EPHA6: variants seen among roughly 807,000 people sequenced by gnomAD.
EPHA6 encodes ephrin type-A receptor 6.
EPHA6 carries 50 observed loss-of-function variants against 112.0 expected under a neutral mutation model. That is an observed-to-expected ratio of 0.45 (90% confidence interval 0.36 to 0.56). The LOEUF (loss-of-function observed/expected upper bound fraction) is 0.56, where lower values mean the gene tolerates loss of function less well. EPHA6 is among the 20% of genes least tolerant of loss of function. EPHA6 has a pLI of 0.00. For synonymous variants in EPHA6, 529 were observed against 490.7 expected (o/e 1.08, Z -1.03); for missense variants, 1,280 against 1,417.4 (o/e 0.90, Z 1.56).
intron 1 of EPHA6, 31 bp from the exon 2 acceptor site, chr3:96,866,794 C>G: frequency 7.7e-7 from 1 of 1,291,436 alleles, no homozygotes; most frequent in Non-Finnish European, 1.0e-6. Flanking sequence ...TTGAGAAATT[C>G]ATGGAATTTT....
intron 2 of EPHA6, among the ~76,000 whole-genome samples, chr3:96,940,929 C>A (rs985325582): frequency 2.0e-5 from 3 of 152,092 alleles, no homozygotes; most frequent in Non-Finnish European, 4.4e-5. Flanking sequence ...TATTAGTCCC[C>A]ACTCTCTTCT....
At chr3:97,451,593 A>T (rs759418576) in intron 7 of EPHA6, among the ~76,000 whole-genome samples, 1 of 76,178 alleles carries the variant, frequency 1.3e-5, no homozygotes, top group Non-Finnish European at 2.3e-5. Context: ...AAGGATCATT[A>T]AAAAAAAAAA....
intron 2 of EPHA6, among the ~76,000 whole-genome samples, chr3:96,937,597 G>C (rs1012647710): frequency 6.6e-6 from 1 of 152,130 alleles, no homozygotes; most frequent in Admixed American, 6.5e-5. Flanking sequence ...CTGTGCAGAA[G>C]CTCTTTAGTT....
chr3:97,226,486 TA>T, intron 4 of EPHA6, 67 bp downstream of exon 4: 1 of 1,408,330 alleles, frequency 7.1e-7, no homozygotes, highest in African/African-American at 1.4e-5. Context: ...ATTCTAAATT[TA>T]AAAAATAAGT....
At chr3:97,722,939 C>T (rs568295474) in intron 15 of EPHA6, among the ~76,000 whole-genome samples, 6 of 152,210 alleles carry the variant, frequency 3.9e-5, no homozygotes, top group African/African-American at 1.4e-4. Context: ...TGGACTATAA[C>T]TCAACCATGA....
intron 3 of EPHA6, among the ~76,000 whole-genome samples, chr3:97,094,533 A>C (rs1416756011): frequency 6.6e-6 from 1 of 152,180 alleles, no homozygotes; most frequent in Non-Finnish European, 1.5e-5. Context: ...ACTTCAAATC[A>C]AAGTTTAGAA....
chr3:97,692,670 T>C (rs2032746992), intron 14 of EPHA6, among the ~76,000 whole-genome samples: 6 of 152,242 alleles, frequency 3.9e-5, no homozygotes, highest in African/African-American at 1.4e-4. Flanking sequence ...TAATTTATAG[T>C]GACATCTTTT....
At chr3:97,333,917 A>G (rs1236993480) in intron 5 of EPHA6, among the ~76,000 whole-genome samples, 2 of 152,124 alleles carry the variant, frequency 1.3e-5, no homozygotes, top group Non-Finnish European at 2.9e-5. Context: ...TTGCACCATC[A>G]AAGTGTGGTG....
intron 5 of EPHA6, among the ~76,000 whole-genome samples, chr3:97,335,210 A>G (rs2083001260): frequency 6.6e-6 from 1 of 152,140 alleles, no homozygotes; most frequent in Non-Finnish European, 1.5e-5. Flanking sequence ...TTATAAGAAG[A>G]GAAACCACAA....
Position 96,814,620 on chromosome 3 carries a change from G to C in EPHA6, c.-4G>C, listed in dbSNP as rs752007781. 2 of 1,451,170 alleles carry C rather than the reference G, an allele frequency of 1.4e-6. No homozygotes were observed. Among genetic ancestry groups the C allele is most frequent in the South Asian group, 1.5e-5 (1 of 64,724 alleles). 89.9% of individuals were successfully genotyped at this position (1,451,170 alleles called of 1,614,324 possible). A position where few individuals can be genotyped will look rare whatever the true frequency, so the allele number is the denominator to read the frequency against. On this transcript the variant is annotated 5_prime_UTR_variant, in exon 1 of 18. Transcript: ENST00000389672. ...GTCCTCGCGCAAGCGGGACACTGTGGTGGATGCAATTCCCCTCGCCTCCAG... is the reference window on the plus strand; with the variant it reads ...GTCCTCGCGCAAGCGGGACACTGTGCTGGATGCAATTCCCCTCGCCTCCAG...
At chr3:96,860,069 G>A (rs895360584) in intron 1 of EPHA6, among the ~76,000 whole-genome samples, 4 of 152,034 alleles carry the variant, frequency 2.6e-5, no homozygotes, top group African/African-American at 9.7e-5. Context: ...ATATCCTATA[G>A]CGTCCAATAT....
intron 2 of EPHA6, among the ~76,000 whole-genome samples, chr3:96,984,819 A>G (rs1055074253): frequency 2.6e-5 from 4 of 152,210 alleles, no homozygotes; most frequent in African/African-American, 9.6e-5. Flanking sequence ...AGCAATGAGC[A>G]AGGCTCCGTG....
intron 11 of EPHA6, among the ~76,000 whole-genome samples, chr3:97,564,979 T>A (rs2093242421): frequency 6.6e-6 from 1 of 152,104 alleles, no homozygotes; most frequent in Admixed American, 6.5e-5. Context: ...AAATGAAGGA[T>A]GGAAGTAACT....
chr3:97,546,919 G>A (rs1326503435), intron 11 of EPHA6, among the ~76,000 whole-genome samples: 1 of 152,080 alleles, frequency 6.6e-6, no homozygotes, highest in East Asian at 1.9e-4. Context: ...GCTCCATCAG[G>A]TCCTTTAAGG....
intron 5 of EPHA6, among the ~76,000 whole-genome samples, chr3:97,391,102 C>T (rs1384281430): frequency 1.3e-5 from 2 of 151,878 alleles, no homozygotes; most frequent in East Asian, 3.9e-4. Context: ...TCTGGCATTA[C>T]TATTATCATT....
chr3:97,458,563 C>T (rs1350846409), intron 7 of EPHA6, among the ~76,000 whole-genome samples: 1 of 151,976 alleles, frequency 6.6e-6, no homozygotes, highest in Non-Finnish European at 1.5e-5. Context: ...CATATATACA[C>T]ACATTCATAT....
intron 5 of EPHA6, among the ~76,000 whole-genome samples, chr3:97,329,553 TTC>T (rs1468255019): frequency 2.0e-5 from 3 of 151,740 alleles, no homozygotes; most frequent in Non-Finnish European, 4.4e-5. Flanking sequence ...TGATTTGCAT[TTC>T]TCTGATGGCC....
intron 11 of EPHA6, among the ~76,000 whole-genome samples, chr3:97,554,083 G>T (rs1373807342): frequency 1.3e-5 from 2 of 152,088 alleles, no homozygotes; most frequent in African/African-American, 2.4e-5. Flanking sequence ...TGGTTGTGTT[G>T]TTCATTAACT....
At chr3:96,898,119 A>G (rs531886457) in intron 2 of EPHA6, among the ~76,000 whole-genome samples, 9 of 152,206 alleles carry the variant, frequency 5.9e-5, no homozygotes, top group Non-Finnish European at 8.8e-5. Context: ...ATTACTGAAC[A>G]TGGAAAACAC....
Sources: allele counts gnomAD v4.1 joint callset (sites outside exome capture counted in the v4.1 genomes callset), GRCh38; gene constraint gnomAD v4.1.1; transcripts MANE v1.5; gene names NCBI Gene and HGNC (gene_info 2026-07-23, HGNC 2026-07-21).